ASXL2: variants seen among roughly 807,000 people sequenced by gnomAD.
ASXL2 encodes the protein putative Polycomb group protein ASXL2.
ASXL2 carries 23 observed loss-of-function variants against 122.0 expected under a neutral mutation model. The observed-to-expected ratio is 0.19, with a 90% confidence interval of 0.14 to 0.27. The LOEUF is 0.27. Among genes scored for constraint, ASXL2 ranks in the 10% least tolerant of loss-of-function variants. The probability of loss-of-function intolerance (pLI) is 1.00; values close to 1 mark genes in which losing one functional copy is unlikely to be tolerated. For synonymous variants in ASXL2, 650 were observed against 637.0 expected (o/e 1.02, Z -0.31); for missense variants, 1,518 against 1,713.8 (o/e 0.89, Z 2.02).
rs1290759447 is a variant in ASXL2 at position 25,828,083 on chromosome 2, G to A, written c.143+7455C>T. 2.0e-5 allele frequency among the ~76,000 whole-genome samples: 3 copies of A among 151,298 alleles called. No individual in the cohort carries two copies. The East Asian group carries it at 5.8e-4, about 29-fold the overall frequency. ...CAGTAATTCTATGTTCTATTTTTAA[G>A]TAAACAAATGAAATAACAAGGTTCA... On this transcript the variant is annotated intron_variant, in intron 3 of 12. Coordinates refer to ENST00000435504, the MANE Select transcript of ASXL2 (RefSeq NM_018263.6).
chr2:25,854,752 G>T (rs558698840), intron 1 of ASXL2, among the ~76,000 whole-genome samples: 2 of 152,208 alleles, frequency 1.3e-5, no homozygotes, highest in Non-Finnish European at 2.9e-5. Context: ...GTCTGGCCAT[G>T]AGTGACGGAA....
chr2:25,745,727 T>G (rs908066237), intron 12 of ASXL2, among the ~76,000 whole-genome samples: 8 of 139,442 alleles, frequency 5.7e-5, no homozygotes, highest in African/African-American at 2.1e-4. Flanking sequence ...CACTGTAACC[T>G]CTGCCTCCTG....
intron 6 of ASXL2, 47 bp downstream of exon 6, chr2:25,771,393 T>TA (rs772275161): frequency 5.8e-5 from 90 of 1,541,842 alleles, no homozygotes; most frequent in Non-Finnish European, 5.9e-5. Context: ...GTGTGCGTTT[T>TA]AAATACAGGA....
chr2:25,837,374 T>C (rs897318375), intron 2 of ASXL2, among the ~76,000 whole-genome samples: 19 of 152,280 alleles, frequency 1.2e-4, no homozygotes, highest in South Asian at 2.1e-4. Flanking sequence ...AGCCAGAATA[T>C]CCAAATTGCA....
chr2:25,780,582 C>G (rs2088617600), intron 5 of ASXL2, among the ~76,000 whole-genome samples: 2 of 152,130 alleles, frequency 1.3e-5, no homozygotes, highest in African/African-American at 4.8e-5. Context: ...TGAAGTGAGG[C>G]CCAGGAATCT....
At chr2:25,822,699 C>T (rs1462593439) in intron 3 of ASXL2, 6 of 714,476 alleles carry the variant, frequency 8.4e-6, no homozygotes, top group African/African-American at 5.4e-5. Flanking sequence ...ATGTTGTTTA[C>T]GAAAAGGAGA....
At chr2:25,810,716 C>A in intron 3 of ASXL2, 1 of 627,230 alleles carries the variant, frequency 1.6e-6, no homozygotes, top group Non-Finnish European at 2.9e-6. Context: ...AGCGTTGCAG[C>A]TGCTTCTCAC....
At chr2:25,761,301 C>G (rs1472896566) in intron 8 of ASXL2, among the ~76,000 whole-genome samples, 1 of 152,026 alleles carries the variant, frequency 6.6e-6, no homozygotes, top group Non-Finnish European at 1.5e-5. Flanking sequence ...CATGCATAGA[C>G]CCAGCATAGT....
At chr2:25,838,563 G>A (rs144954331) in intron 2 of ASXL2, among the ~76,000 whole-genome samples, 1 of 152,160 alleles carries the variant, frequency 6.6e-6, no homozygotes, top group Non-Finnish European at 1.5e-5. Flanking sequence ...ATATTTGGGA[G>A]GCTGGAGTTT....
intron 2 of ASXL2, among the ~76,000 whole-genome samples, chr2:25,842,066 C>A (rs1261517383): frequency 1.3e-5 from 2 of 148,270 alleles, no homozygotes; most frequent in Admixed American, 1.3e-4. Context: ...GAGCTGAGAT[C>A]GCGCCACTGC....
intron 3 of ASXL2, among the ~76,000 whole-genome samples, chr2:25,813,672 T>C (rs2089199483): frequency 6.6e-6 from 1 of 152,052 alleles, no homozygotes; most frequent in Non-Finnish European, 1.5e-5. Context: ...CAACAACAAA[T>C]AACAACAAAA....
intron 1 of ASXL2, among the ~76,000 whole-genome samples, chr2:25,846,310 G>A (rs1409245972): frequency 6.6e-6 from 1 of 152,128 alleles, no homozygotes; most frequent in African/African-American, 2.4e-5. Flanking sequence ...ACCAGCAGTG[G>A]CTAACCTTGC....
At chr2:25,827,984 C>G (rs1247856808) in intron 3 of ASXL2, among the ~76,000 whole-genome samples, 1 of 151,774 alleles carries the variant, frequency 6.6e-6, no homozygotes, top group East Asian at 1.9e-4. Flanking sequence ...CTAACATCTT[C>G]TAAAAAGCAT....
intron 3 of ASXL2, among the ~76,000 whole-genome samples, chr2:25,825,381 CA>C (rs1000642968): frequency 2.6e-5 from 4 of 152,132 alleles, no homozygotes; most frequent in African/African-American, 9.7e-5. Flanking sequence ...TAAGTACAGT[CA>C]CCCTGTTGAG....
intron 1 of ASXL2, among the ~76,000 whole-genome samples, chr2:25,869,543 C>T (rs184272417): frequency 2.0e-5 from 3 of 152,168 alleles, no homozygotes; most frequent in Admixed American, 6.5e-5. Flanking sequence ...ATTTCACAGC[C>T]GGGTGCAGTG....
chr2:25,779,263 A>ATTTTTTGTATTTTTAGTAGAGACGAGGT (rs2088595960), intron 5 of ASXL2, among the ~76,000 whole-genome samples: 4 of 150,852 alleles, frequency 2.7e-5, no homozygotes, highest in Admixed American at 6.6e-5. Context: ...TGCCTACCTA[A>ATTTTTTGTATTTTTAGTAGAGACGAGGT]TTTTTTGTAT....
intron 1 of ASXL2, among the ~76,000 whole-genome samples, chr2:25,865,985 G>A (rs1354370575): frequency 1.3e-5 from 2 of 151,968 alleles, no homozygotes; most frequent in Admixed American, 6.6e-5. Context: ...GCACCATGAT[G>A]ACAGCTGTGA....
rs1310215060 is a variant in ASXL2, at chr2:25,740,847, G to A, written c.*1182C>T. 2.1e-5 allele frequency: 4 copies of A among 191,542 alleles called. No individual in the cohort carries two copies. The highest frequency in any genetic ancestry group is 9.3e-5 in the African/African-American group (4 of 42,996). 11.9% of individuals were successfully genotyped at this position (191,542 alleles called of 1,614,324 possible). ...TGTGTGTGTGTACATACACGTATGT[G>A]TAAAGTAAGATATAATAAGATGATG... On this transcript the variant is annotated 3_prime_UTR_variant, in exon 13 of 13. Transcript: ENST00000435504.
intron 3 of ASXL2, among the ~76,000 whole-genome samples, chr2:25,833,238 T>C (rs770986195): frequency 2.0e-5 from 3 of 152,198 alleles, no homozygotes; most frequent in Non-Finnish European, 2.9e-5. Context: ...CACTGCACTA[T>C]GGTTTTGTAC....
Sources: allele counts gnomAD v4.1 joint callset (sites outside exome capture counted in the v4.1 genomes callset), GRCh38; gene constraint gnomAD v4.1.1; transcripts MANE v1.5; gene names NCBI Gene and HGNC (gene_info 2026-07-23, HGNC 2026-07-21).